OPTN: variants seen among roughly 807,000 people sequenced by gnomAD.
The protein encoded by OPTN is optineurin, also known as E3-14.7K-interacting protein.
In OPTN, 54 loss-of-function variants were observed where a neutral mutation model predicts 70.4. The ratio of observed to expected loss-of-function variants is 0.77; its 90% CI spans 0.62 to 0.96. The LOEUF (loss-of-function observed/expected upper bound fraction) is 0.96. OPTN is among the 40% of genes least tolerant of loss of function. OPTN has a pLI of 0.00. For missense variants in OPTN, 624 were observed against 673.2 expected, an observed-to-expected ratio of 0.93 and a Z score of 0.81; for synonymous variants, 256 against 248.5, an observed-to-expected ratio of 1.03 and a Z score of -0.28.
In OPTN at chr10:13,116,271, G is replaced by A; in HGVS notation, c.557G>A (p.Gly186Glu). The part of the protein sequence containing the change: ...DSFVEIRMAE[G>E]EAEGSVKEIK... ...CTTGCATTTCTGTTTTCACAGGAAG[G>A]AGAAGCAGAAGGGTCAGTAAAAGAA... Residue 186 changes from glycine to glutamate, a missense_variant, in exon 6 of 15, where the codon GGA becomes GAA. Transcript: ENST00000378747. 6.2e-7 allele frequency: 1 copy of A among 1,603,972 alleles called. No homozygotes were observed.
chr10:13,118,617 G>T (rs1833272073), intron 6 of OPTN, among the ~76,000 whole-genome samples: 1 of 152,138 alleles, frequency 6.6e-6, no homozygotes, highest in African/African-American at 2.4e-5. Context: ...GTGGTGTGAG[G>T]TACACAGTGA....
At chr10:13,118,284 A>C (rs1406570554) in intron 6 of OPTN, among the ~76,000 whole-genome samples, 7 of 152,180 alleles carry the variant, frequency 4.6e-5, no homozygotes, top group Admixed American at 4.6e-4. Flanking sequence ...GTCATCCCTC[A>C]TGTTTTGTAA....
At position 13,137,405 on chromosome 10, in the gene OPTN, T is replaced by G. The variant is rs1424168767; in HGVS notation, c.*539T>G. ...AAAGTAGAATCCTTACCTACTACTC[T>G]TCTGATAATAATTTTAATATTTTTT... On this transcript the variant is annotated 3_prime_UTR_variant, in exon 15 of 15. Transcript: ENST00000378747. 1 of 233,096 alleles carries G rather than the reference T, an allele frequency of 4.3e-6. No homozygotes were observed. Among genetic ancestry groups the G allele is most frequent in the East Asian group, 6.3e-5 (1 of 15,960 alleles). 14.4% of individuals were successfully genotyped at this position (233,096 alleles called of 1,614,324 possible).
intron 12 of OPTN, among the ~76,000 whole-genome samples, chr10:13,130,488 T>A (rs908342131): frequency 8.3e-6 from 1 of 120,374 alleles, no homozygotes; most frequent in Non-Finnish European, 1.7e-5. Flanking sequence ...GATATAGGAA[T>A]AGACAAAACA....
At position 13,114,822 on chromosome 10, in the gene OPTN, T is replaced by TTATATATACATA. The variant is rs1423267156; in HGVS notation, c.553-1439_553-1438insTACATATATATA. ...TATATACATATATATAATTATATAA[T>TTATATATACATA]TATATAATTATATAATTATATAATT... On this transcript the variant is annotated intron_variant, in intron 5 of 14. Transcript: ENST00000378747. Among the ~76,000 whole-genome samples the TTATATATACATA allele has an allele frequency of 1.1e-4, 12 of 105,666 alleles. 1 individual carries two copies. The South Asian group carries it at 2.2e-3, about 19-fold the overall frequency. 69.3% of individuals were successfully genotyped at this position (105,666 alleles called of 152,430 possible).
chr10:13,112,578 G>T lies in OPTN; in HGVS notation c.495G>T (p.Gln165His), dbSNP rs762053939. 6.2e-7 allele frequency: 1 copy of T among 1,614,178 alleles called. No homozygotes were observed. Among genetic ancestry groups the T allele is most frequent in the East Asian group, 2.2e-5 (1 of 44,884 alleles). Residue 165 changes from glutamine to histidine, a missense_variant, in exon 5 of 15, where the codon CAG (glutamine) becomes CAT (histidine). By Grantham distance (24) the Gln-to-His change is conservative. Coordinates refer to ENST00000378747, the MANE Select transcript of OPTN (RefSeq NM_001008212.2). ...ADLLGIVSEL[Q>H]LKLNSSGSSE... ...TGTTGGGCATCGTGTCTGAACTGCA[G>T]CTCAAGCTGAACTCCAGCGGCTCCT... is the stretch of plus-strand genomic sequence containing the variant.
At chr10:13,117,274 G>T (rs1332866437) in intron 6 of OPTN, among the ~76,000 whole-genome samples, 2 of 151,532 alleles carry the variant, frequency 1.3e-5, no homozygotes, top group Non-Finnish European at 2.9e-5. Context: ...TAGAGATGGG[G>T]TTTCACCGTG....
rs539221341 is a variant in OPTN at position 13,136,284 on chromosome 10, C to T, written c.1613-461C>T. Reference sequence around the variant, plus strand: ...TAGCACTTTGGGAGGCCAAGGTGGGCAGATCATGAGGTCAGGAGTTCGAGA... The same window carrying T: ...TAGCACTTTGGGAGGCCAAGGTGGGTAGATCATGAGGTCAGGAGTTCGAGA... On this transcript the variant is annotated intron_variant, in intron 14 of 14. Transcript: ENST00000378747. Among the ~76,000 whole-genome samples, 5 of 152,118 alleles carry T rather than the reference C, an allele frequency of 3.3e-5. No homozygotes were observed. The East Asian group carries it at 9.7e-4, about 29-fold the overall frequency.
intron 5 of OPTN, among the ~76,000 whole-genome samples, chr10:13,115,450 T>A (rs1389075690): frequency 9.8e-6 from 1 of 101,636 alleles, no homozygotes; most frequent in East Asian, 2.8e-4. Context: ...ATATAATATA[T>A]TCTATATTAT....
intron 6 of OPTN, chr10:13,116,616 C>T: frequency 2.0e-6 from 1 of 501,656 alleles, no homozygotes; most frequent in Non-Finnish European, 3.6e-6. Context: ...CAAACTGGTT[C>T]TCAATCAAGT....
intron 9 of OPTN, among the ~76,000 whole-genome samples, chr10:13,124,378 A>G (rs145066345): frequency 6.6e-6 from 1 of 152,350 alleles, no homozygotes; most frequent in African/African-American, 2.4e-5. Context: ...TCTCTACAGT[A>G]AAGCTGTGAG....
At chr10:13,128,502 CTTTTTTTTTTTTTTTTTTTTT>C (rs56147136) in intron 12 of OPTN, among the ~76,000 whole-genome samples, 6 of 33,480 alleles carry the variant, frequency 1.8e-4, no homozygotes, top group Admixed American at 4.1e-4. Context: ...TCAAGCCTGC[CTTTTTTTTTTTTTTTTTTTTT>C]TTTTTTTTTT....
chr10:13,127,912 C>T lies in OPTN; in HGVS notation c.1401+9C>T, dbSNP rs375398306. 2 of 1,614,046 alleles carry T rather than the reference C, an allele frequency of 1.2e-6. No homozygotes were observed. Among genetic ancestry groups the T allele is most frequent in the Non-Finnish European group, 1.7e-6 (2 of 1,179,986 alleles). ...CCATCCTCAGGGCTCAGGTGAGGCA[C>T]CTTCCAAAACCCCAGCTGAGCGAGG... On this transcript the variant is annotated intron_variant, in intron 12 of 14. Transcript: ENST00000378747.
chr10:13,111,664 C>T (rs572126184), intron 4 of OPTN, among the ~76,000 whole-genome samples: 68 of 151,828 alleles, frequency 4.5e-4, no homozygotes, highest in African/African-American at 1.5e-3. Context: ...CGCCATTGCA[C>T]TCCAATGGGC....
chr10:13,114,341 G>T (rs556181625), intron 5 of OPTN, among the ~76,000 whole-genome samples: 1 of 152,168 alleles, frequency 6.6e-6, no homozygotes, highest in Non-Finnish European at 1.5e-5. Context: ...AGCGTATTTT[G>T]CCAGAGTACC....
At position 13,112,752 on chromosome 10, in the gene OPTN, A is replaced by G. The variant is rs1029261838; in HGVS notation, c.552+117A>G. On this transcript the variant is annotated intron_variant, in intron 5 of 14. Coordinates refer to ENST00000378747, the MANE Select transcript of OPTN (RefSeq NM_001008212.2). ...CCAAGGATTGAGGAAATTCCAGTGT[A>G]GCAAAGATAAATTGGCTCTCATTTT... The G allele has an allele frequency of 3.9e-6, 4 of 1,019,890 alleles. No homozygotes were observed. In the African/African-American group the frequency reaches 4.8e-5, roughly 12 times the overall value. The allele number at this position is 1,019,890 out of a possible 1,614,324, so 63.2% of individuals were successfully genotyped here. A position where few individuals can be genotyped will look rare whatever the true frequency, so the allele number is the denominator to read the frequency against.
chr10:13,114,969 A>T (rs796870005), intron 5 of OPTN, among the ~76,000 whole-genome samples: 380 of 7,856 alleles, frequency 0.048, 77 homozygotes, highest in Admixed American at 0.1. Flanking sequence ...ATATTTATAT[A>T]TATTTATATA....
intron 8 of OPTN, 62 bp downstream of exon 8, chr10:13,122,549 G>A (rs1169683243): frequency 4.6e-6 from 5 of 1,086,610 alleles, no homozygotes; most frequent in African/African-American, 1.5e-5. Context: ...TCCAGCCACT[G>A]AATTCAAATC....
chr10:13,113,132 G>A (rs574583353), intron 5 of OPTN, among the ~76,000 whole-genome samples: 3 of 152,108 alleles, frequency 2.0e-5, no homozygotes, highest in African/African-American at 4.8e-5. Flanking sequence ...AGAGATTCTC[G>A]TGCCTCAACC....
Sources: allele counts gnomAD v4.1 joint callset (sites outside exome capture counted in the v4.1 genomes callset), GRCh38; gene constraint gnomAD v4.1.1; transcripts MANE v1.5; gene names NCBI Gene and HGNC (gene_info 2026-07-23, HGNC 2026-07-21).